KIAA1549: variants seen among roughly 807,000 people sequenced by gnomAD.
KIAA1549 encodes KIAA1549.
In KIAA1549, 70 loss-of-function variants were observed where a neutral mutation model predicts 156.4. The observed-to-expected ratio is 0.45, with a 90% CI of 0.37 to 0.55. The LOEUF (loss-of-function observed/expected upper bound fraction) is 0.55, where lower values mean the gene tolerates loss of function less well. KIAA1549 is among the 20% of genes least tolerant of loss of function. KIAA1549 has a pLI of 0.00. For missense variants in KIAA1549, 2,428 were observed against 2,540.9 expected, an observed-to-expected ratio of 0.96 and a Z score of 0.96; for synonymous variants, 1,103 against 1,066.4, an observed-to-expected ratio of 1.03 and a Z score of -0.67.
chr7:138,917,430 C>T lies in KIAA1549; in HGVS notation c.2196G>A (p.Ala732=), dbSNP rs771197119. ...FPSDSLEFVE[A]STVSLTDSEA... ...CTGAATCCGTCAGTGAAACCGTAGACGCTTCAACAAACTCGAGAGAATCAG... is the reference window on the plus strand; with the variant it reads ...CTGAATCCGTCAGTGAAACCGTAGATGCTTCAACAAACTCGAGAGAATCAG... Residue 732 remains alanine (A), a synonymous_variant, in exon 2 of 20, where the codon GCG becomes GCA. Coordinates refer to ENST00000422774, the MANE Select transcript of KIAA1549 (RefSeq NM_001164665.2). The T allele has an allele frequency of 8.1e-5, 130 of 1,613,842 alleles. No homozygotes were observed. In the East Asian group the frequency reaches 1.8e-3, roughly 23 times the overall value.
At chr7:138,969,138 C>A (rs538731521) in intron 1 of KIAA1549, among the ~76,000 whole-genome samples, 1 of 152,166 alleles carries the variant, frequency 6.6e-6, no homozygotes, top group South Asian at 2.1e-4. Context: ...TCATAAGTTA[C>A]GATTTAGCTC....
At chr7:138,866,022 C>G (rs1255535173) in intron 15 of KIAA1549, among the ~76,000 whole-genome samples, 1 of 152,132 alleles carries the variant, frequency 6.6e-6, no homozygotes, top group Non-Finnish European at 1.5e-5. Context: ...CTCCCCAGAT[C>G]AAGCCAAACC....
chr7:138,877,402 G>A lies in KIAA1549; in HGVS notation c.4345+2136C>T, dbSNP rs566782968. Among the ~76,000 whole-genome samples the A allele has an allele frequency of 4.6e-4, 70 of 152,308 alleles. 4 individuals carry two copies. Among genetic ancestry groups the A allele is most frequent in the African/African-American group, 1.7e-3 (70 of 41,580 alleles). On this transcript the variant is annotated intron_variant, in intron 12 of 19. Transcript: ENST00000422774. ...CCAGCTACTCGGGAGGCTGAGTCAT[G>A]AGAATCGTTTGAGCCTGGGAGGCAG...
Position 138,918,873 on chromosome 7 carries a change from C to T in KIAA1549, c.753G>A (p.Val251=), listed in dbSNP as rs774497310. Residue 251 remains valine (V), a synonymous_variant, in exon 2 of 20, where the codon GTG becomes GTA. Transcript: ENST00000422774. This position sits in a 1 kb window ranked among gnomAD's most constrained non-coding sequence, Gnocchi z 4.2. ...GACTGTAAGCATCAGTAGGATAAAGCACCAAATTCCTGCCAGGAGTTGGAA... is the reference window on the plus strand; with the variant it reads ...GACTGTAAGCATCAGTAGGATAAAGTACCAAATTCCTGCCAGGAGTTGGAA... The part of the protein sequence containing the change: ...GIVPTPGRNL[V]LYPTDAYSHL... The T allele has an allele frequency of 1.2e-6, 2 of 1,614,000 alleles. No individual in the cohort carries two copies. Among genetic ancestry groups the T allele is most frequent in the South Asian group, 2.2e-5 (2 of 91,080 alleles).
chr7:138,968,640 G>T (rs1814115091), intron 1 of KIAA1549, among the ~76,000 whole-genome samples: 3 of 151,934 alleles, frequency 2.0e-5, no homozygotes, highest in South Asian at 4.2e-4. Context: ...GAGGTCAGGA[G>T]ATCGAGACCA....
At chr7:138,922,306 C>T (rs1246968682) in intron 1 of KIAA1549, among the ~76,000 whole-genome samples, 1 of 152,220 alleles carries the variant, frequency 6.6e-6, no homozygotes, top group Admixed American at 6.5e-5. Flanking sequence ...CCCAGAAGAA[C>T]ATATTCACAG....
rs552629953 is a variant in KIAA1549 at position 138,933,089 on chromosome 7, G to A, written c.188-13651C>T. On this transcript the variant is annotated intron_variant, in intron 1 of 19. Coordinates refer to ENST00000422774, the MANE Select transcript of KIAA1549 (RefSeq NM_001164665.2). ...CTGGAGAGGCCCTGCTGGCATGCAC[G>A]TTTCTCGTGGTGGCAGAAGCCAGGC... 7.5e-4 allele frequency among the ~76,000 whole-genome samples: 114 copies of A among 152,244 alleles called. 3 individuals carry two copies. Among genetic ancestry groups the A allele is most frequent in the African/African-American group, 2.5e-3 (103 of 41,544 alleles).
Position 138,837,447 on chromosome 7 carries a change from G to A in KIAA1549, c.*459C>T, listed in dbSNP as rs1809748084. The A allele has an allele frequency of 4.0e-6, 1 of 248,172 alleles. No homozygotes were observed. Among genetic ancestry groups the A allele is most frequent in the Admixed American group, 5.2e-5 (1 of 19,132 alleles). 15.4% of individuals were successfully genotyped at this position (248,172 alleles called of 1,614,324 possible). A position where few individuals can be genotyped will look rare whatever the true frequency, so the allele number is the denominator to read the frequency against. On this transcript the variant is annotated 3_prime_UTR_variant, in exon 20 of 20. Coordinates refer to ENST00000422774, the MANE Select transcript of KIAA1549 (RefSeq NM_001164665.2). The stretch of plus-strand genomic sequence containing the variant: ...TAAAATAAGTTCCTATGGAGTAAAA[G>A]AGAAAAATTAAGCTGTTAATAAAAT...
intron 1 of KIAA1549, among the ~76,000 whole-genome samples, chr7:138,968,263 T>C (rs188275088): frequency 3.3e-5 from 5 of 152,198 alleles, no homozygotes; most frequent in Admixed American, 2.0e-4. Flanking sequence ...AGATGATGGG[T>C]TGACAGGTGT....
chr7:138,976,171 G>A (rs543430083), intron 1 of KIAA1549, among the ~76,000 whole-genome samples: 3 of 152,172 alleles, frequency 2.0e-5, no homozygotes, highest in Non-Finnish European at 4.4e-5. Context: ...CTGCCTCCCG[G>A]GTTCAAGCAA....
intron 1 of KIAA1549, among the ~76,000 whole-genome samples, chr7:138,945,177 T>C (rs980171651): frequency 4.7e-4 from 72 of 152,310 alleles, no homozygotes; most frequent in Middle Eastern, 3.4e-3. Context: ...GCTCTCAGAA[T>C]CACCCAGGGA....
chr7:138,883,573 G>A (rs777666424), intron 10 of KIAA1549, among the ~76,000 whole-genome samples: 7 of 151,924 alleles, frequency 4.6e-5, no homozygotes, highest in Non-Finnish European at 7.4e-5. Context: ...CACCTTGGCC[G>A]CCCAAAGTGC....
Position 138,903,846 on chromosome 7 carries a change from TGTGTGTGC to T in KIAA1549, c.3521-118_3521-111del, listed in dbSNP as rs878933288. 2,027 of 385,612 alleles carry T rather than the reference TGTGTGTGC, an allele frequency of 5.3e-3. 4 individuals are homozygous for T. The highest frequency in any genetic ancestry group is 6.1e-3 in the Admixed American group (97 of 15,988). 23.9% of individuals were successfully genotyped at this position (385,612 alleles called of 1,614,324 possible). ...GTGTGTGTGTGTGTGTGTGTGTGTG[TGTGTGTGC>T]GCGCGCGCGCGCGCGCACATATGTA... On this transcript the variant is annotated intron_variant, in intron 7 of 19. Transcript: ENST00000422774.
At chr7:138,858,876 G>A (rs573738737) in intron 16 of KIAA1549, among the ~76,000 whole-genome samples, 11 of 152,126 alleles carry the variant, frequency 7.2e-5, no homozygotes, top group African/African-American at 2.4e-4. Flanking sequence ...CGAGGTGGCA[G>A]GTGCCTATAA....
chr7:138,876,218 C>T (rs963962439), intron 12 of KIAA1549: 1 of 152,138 alleles, frequency 6.6e-6, no homozygotes, highest in African/African-American at 2.4e-5. Context: ...TAGGAATCTG[C>T]CTTCATGAAA....
In KIAA1549 at chr7:138,918,847, T is replaced by G; in HGVS notation, c.779A>C (p.His260Pro). 1 of 1,613,994 alleles carries G rather than the reference T, an allele frequency of 6.2e-7. No homozygotes were observed. The highest frequency in any genetic ancestry group is 8.5e-7 in the Non-Finnish European group (1 of 1,179,890). Residue 260 changes from histidine to proline, a missense_variant, in exon 2 of 20, where the codon CAT becomes CCT. Around this residue, in one of 5 missense-constraint regions of KIAA1549, gnomAD observed 893 missense variants for 847.9 expected, o/e 1.05. Coordinates refer to ENST00000422774, the MANE Select transcript of KIAA1549 (RefSeq NM_001164665.2). This position sits in a 1 kb window ranked among gnomAD's most constrained non-coding sequence, Gnocchi z 4.2. ...LVLYPTDAYS[H>P]LSSRTLPEIV... Reference sequence around the variant, plus strand: ...CTCTGGCAGAGTCCTGCTTGATAAATGACTGTAAGCATCAGTAGGATAAAG... The same window carrying G: ...CTCTGGCAGAGTCCTGCTTGATAAAGGACTGTAAGCATCAGTAGGATAAAG...
chr7:138,858,762 C>T (rs988600535), intron 16 of KIAA1549, among the ~76,000 whole-genome samples: 1 of 152,110 alleles, frequency 6.6e-6, no homozygotes, highest in Non-Finnish European at 1.5e-5. Flanking sequence ...AACTCCAGCA[C>T]TTTGGGAGGC....
intron 16 of KIAA1549, among the ~76,000 whole-genome samples, chr7:138,859,907 C>T (rs76503536): frequency 0.049 from 7,520 of 152,304 alleles, 264 homozygotes; most frequent in South Asian, 0.12. Flanking sequence ...CAACTGACAA[C>T]CACTAATTAT....
chr7:138,937,337 T>C (rs1465225041), intron 1 of KIAA1549, among the ~76,000 whole-genome samples: 1 of 152,166 alleles, frequency 6.6e-6, no homozygotes, highest in African/African-American at 2.4e-5. Context: ...GTGAGCTACT[T>C]GAAGGAAGAG....
Sources: allele counts gnomAD v4.1 joint callset (sites outside exome capture counted in the v4.1 genomes callset), GRCh38; gene constraint gnomAD v4.1.1; regional missense constraint gnomAD v4.1.1; non-coding constraint Gnocchi (gnomAD v3.1); transcripts MANE v1.5; gene names NCBI Gene and HGNC (gene_info 2026-07-23, HGNC 2026-07-21).